ZNF385D: variants seen among roughly 807,000 people sequenced by gnomAD.
The protein encoded by ZNF385D is zinc finger protein 659.
Under a neutral mutation model 35.8 loss-of-function variants are expected in ZNF385D, and 15 were observed. That is an observed-to-expected ratio of 0.42 (90% CI 0.28 to 0.64). The LOEUF (loss-of-function observed/expected upper bound fraction) is 0.64, where lower values mean the gene tolerates loss of function less well. ZNF385D is among the 30% of genes least tolerant of loss of function. ZNF385D has a pLI of 0.23. For missense variants in ZNF385D, 474 were observed against 494.6 expected (o/e 0.96, Z 0.39); for synonymous variants, 212 against 186.8 (o/e 1.13, Z -1.10).
chr3:22,036,428 A>T (rs181212878), intron 3 of ZNF385D, among the ~76,000 whole-genome samples: 1 of 152,198 alleles, frequency 6.6e-6, no homozygotes, highest in South Asian at 2.1e-4. Flanking sequence ...CATGTGAGTA[A>T]TATCAATTGA....
At chr3:21,479,150 G>T (rs1202856559) in intron 4 of ZNF385D, among the ~76,000 whole-genome samples, 3 of 147,120 alleles carry the variant, frequency 2.0e-5, no homozygotes, top group South Asian at 2.1e-4. Context: ...TAGAAGTATT[G>T]TTTTTTTTTT....
chr3:22,259,744 T>G (rs73821343), intron 2 of ZNF385D, among the ~76,000 whole-genome samples: 1,822 of 152,122 alleles, frequency 0.012, 21 homozygotes, highest in Middle Eastern at 0.027. Flanking sequence ...CCTTATATAG[T>G]TGGTACCACT....
At chr3:21,848,711 G>A (rs571190992) in intron 3 of ZNF385D, among the ~76,000 whole-genome samples, 15 of 152,070 alleles carry the variant, frequency 9.9e-5, no homozygotes, top group South Asian at 4.1e-4. Context: ...CTGAATAGTC[G>A]TATAACTAGT....
chr3:21,894,428 G>C (rs1224133395), intron 3 of ZNF385D, among the ~76,000 whole-genome samples: 2 of 152,068 alleles, frequency 1.3e-5, no homozygotes, highest in Non-Finnish European at 2.9e-5. Flanking sequence ...AAACATCCCT[G>C]AGTTTTAAAC....
intron 3 of ZNF385D, among the ~76,000 whole-genome samples, chr3:22,160,795 C>T (rs577343483): frequency 2.6e-5 from 4 of 152,178 alleles, no homozygotes; most frequent in African/African-American, 7.2e-5. Context: ...AATAAATTAA[C>T]CCAAATATGA....
At chr3:22,357,198 G>C (rs1696193926) in intron 2 of ZNF385D, among the ~76,000 whole-genome samples, 1 of 151,850 alleles carries the variant, frequency 6.6e-6, no homozygotes, top group Non-Finnish European at 1.5e-5. Flanking sequence ...AAGTTTCCAA[G>C]TGAACTTGAA....
intron 3 of ZNF385D, among the ~76,000 whole-genome samples, chr3:21,799,743 T>C (rs757028619): frequency 4.7e-4 from 72 of 152,276 alleles, no homozygotes; most frequent in Non-Finnish European, 3.4e-4. Flanking sequence ...TTATAATACA[T>C]GCAAATTTGA....
At chr3:22,202,060 A>G (rs976652070) in intron 2 of ZNF385D, among the ~76,000 whole-genome samples, 6 of 152,192 alleles carry the variant, frequency 3.9e-5, no homozygotes, top group Admixed American at 3.9e-4. Flanking sequence ...TATTTGAGTC[A>G]GGAAACTGGG....
Position 21,968,415 on chromosome 3 carries a change from A to G in ZNF385D, c.325+200402T>C, listed in dbSNP as rs531173497. The stretch of plus-strand genomic sequence containing the variant: ...AGTGGACTTGAGGTACACATGACCT[A>G]GTGAGACATCAGCCTAGGAAGCCAA... On this transcript the variant is annotated intron_variant, in intron 3 of 5. Coordinates refer to the ZNF385D transcript ENST00000494108. Among the ~76,000 whole-genome samples, 38 of 152,186 alleles carry G rather than the reference A, an allele frequency of 2.5e-4. No homozygotes were observed. The South Asian group carries it at 2.7e-3, about 11-fold the overall frequency.
intron 3 of ZNF385D, among the ~76,000 whole-genome samples, chr3:21,816,741 T>C (rs932600290): frequency 1.3e-5 from 2 of 152,128 alleles, no homozygotes; most frequent in Non-Finnish European, 2.9e-5. Flanking sequence ...ATCAATATCA[T>C]GAAAATGGCC....
intron 3 of ZNF385D, among the ~76,000 whole-genome samples, chr3:21,932,239 T>C (rs1468007904): frequency 6.8e-6 from 1 of 148,036 alleles, no homozygotes; most frequent in Non-Finnish European, 1.5e-5. Context: ...AAGCCCTTTG[T>C]GATATAGGAA....
chr3:22,195,822 C>A (rs999197933), intron 2 of ZNF385D, among the ~76,000 whole-genome samples: 1 of 151,948 alleles, frequency 6.6e-6, no homozygotes, highest in Admixed American at 6.6e-5. Flanking sequence ...TACATATACA[C>A]CATGAAATAT....
intron 3 of ZNF385D, among the ~76,000 whole-genome samples, chr3:21,897,633 A>AT (rs909432491): frequency 4.0e-5 from 6 of 151,806 alleles, no homozygotes; most frequent in South Asian, 2.1e-4. Flanking sequence ...CATCAAACAG[A>AT]TTTTTTTTTC....
chr3:22,241,997 T>A (rs1026238179), intron 2 of ZNF385D, among the ~76,000 whole-genome samples: 1 of 150,216 alleles, frequency 6.7e-6, no homozygotes, highest in Non-Finnish European at 1.5e-5. Context: ...AGACCGCATA[T>A]TCTCACTCAT....
intron 3 of ZNF385D, among the ~76,000 whole-genome samples, chr3:21,830,010 G>C (rs900622841): frequency 2.6e-5 from 4 of 151,960 alleles, no homozygotes; most frequent in African/African-American, 9.7e-5. Flanking sequence ...TTTAATCCCA[G>C]CTGCTCGGGA....
chr3:21,645,394 C>T (rs538865740), intron 2 of ZNF385D, among the ~76,000 whole-genome samples: 43 of 152,286 alleles, frequency 2.8e-4, no homozygotes, highest in African/African-American at 1.0e-3. Context: ...ACAACCTACA[C>T]ATTTGCAGAC....
chr3:22,312,925 T>A (rs1317702428), intron 2 of ZNF385D, among the ~76,000 whole-genome samples: 1 of 134,988 alleles, frequency 7.4e-6, no homozygotes, highest in Non-Finnish European at 1.6e-5. Context: ...GGACTATAAA[T>A]CATGCTGCTA....
chr3:21,609,452 A>G (rs1353151920), intron 2 of ZNF385D, among the ~76,000 whole-genome samples: 3 of 152,202 alleles, frequency 2.0e-5, no homozygotes, highest in Non-Finnish European at 4.4e-5. Flanking sequence ...TGCTATCCAA[A>G]TCGGGTTTTC....
chr3:22,034,055 G>A (rs1483832363), intron 3 of ZNF385D, among the ~76,000 whole-genome samples: 1 of 152,126 alleles, frequency 6.6e-6, no homozygotes, highest in African/African-American at 2.4e-5. Context: ...AAACCGAGAT[G>A]GTTAACCATC....
Sources: gnomAD v4.1 joint callset for allele counts (sites outside exome capture counted in the v4.1 genomes callset) on GRCh38, gnomAD v4.1.1 for gene constraint, MANE v1.5 for transcripts, NCBI Gene and HGNC (gene_info 2026-07-23, HGNC 2026-07-21) for gene names.